The following EPS8L2 variants were observed in gnomAD, a reference collection of about 807,000 sequenced individuals.
The protein encoded by EPS8L2 is EPS8 signaling adaptor L2.
Under a neutral mutation model 99.4 loss-of-function variants are expected in EPS8L2, and 81 were observed. The observed-to-expected ratio is 0.82, with a 90% CI of 0.68 to 0.98. The LOEUF (loss-of-function observed/expected upper bound fraction) is 0.98, where lower values mean the gene tolerates loss of function less well. EPS8L2 is among the 50% of genes least tolerant of loss of function. EPS8L2 has a pLI of 0.00. For missense variants in EPS8L2, 1,155 were observed against 968.8 expected (o/e 1.19, Z -2.55); for synonymous variants, 509 against 407.3 (o/e 1.25, Z -3.01).
chr11:719,865 G>T (rs1862110225), intron 4 of EPS8L2, among the ~76,000 whole-genome samples, 197 bp from the exon 5 acceptor site: 1 of 152,132 alleles, frequency 6.6e-6, no homozygotes, highest in African/African-American at 2.4e-5. Context: ...ATAGTTTCAG[G>T]ACACAAGCAT....
In EPS8L2 at chr11:720,231, C is replaced by G. The variant is rs1344975115; in HGVS notation, c.327+8C>G. On this transcript the variant is annotated splice_region_variant and intron_variant, in intron 5 of 20. Coordinates refer to ENST00000318562, the MANE Select transcript of EPS8L2 (RefSeq NM_022772.4). ...CTGGACATCGAGTCACAGGTGGGGC[C>G]CAGCGCCACGGGGGACAGGGAGCAC... 3 of 1,612,442 alleles carry G rather than the reference C, an allele frequency of 1.9e-6. No homozygotes were observed. Among genetic ancestry groups the G allele is most frequent in the African/African-American group, 2.7e-5 (2 of 74,896 alleles).
chr11:720,014 C>A, intron 4 of EPS8L2, 48 bp from the exon 5 acceptor site: 1 of 1,555,212 alleles, frequency 6.4e-7, no homozygotes, highest in Non-Finnish European at 8.7e-7. Flanking sequence ...GCTGGGCTTT[C>A]GACACAAGGA....
rs141569066 is a variant in EPS8L2 at position 713,541 on chromosome 11, C to T, written c.165+3055C>T. Among the ~76,000 whole-genome samples the T allele has an allele frequency of 6.4e-3, 970 of 152,242 alleles. 8 individuals carry two copies. The highest frequency in any genetic ancestry group is 0.022 in the African/African-American group (898 of 41,532). On this transcript the variant is annotated intron_variant, in intron 4 of 20. Transcript: ENST00000318562. ...GGACTACAGGCGCCCGCCACCACGCCTGGCTAAATTTTTTTTTCTCTGAGA... is the reference window on the plus strand; with the variant it reads ...GGACTACAGGCGCCCGCCACCACGCTTGGCTAAATTTTTTTTTCTCTGAGA...
intron 4 of EPS8L2, among the ~76,000 whole-genome samples, chr11:710,731 T>C (rs1188945994): frequency 6.9e-6 from 1 of 145,094 alleles, no homozygotes; most frequent in Admixed American, 6.7e-5. Flanking sequence ...AGCTAGACCC[T>C]GTCTCAAAAC....
chr11:718,132 AGACCATT>A (rs1862068845), intron 4 of EPS8L2, among the ~76,000 whole-genome samples: 1 of 152,230 alleles, frequency 6.6e-6, no homozygotes, highest in African/African-American at 2.4e-5. Flanking sequence ...CAGTAGTTTG[AGACCATT>A]CTGGCCAACA....
In EPS8L2 at chr11:708,729, G is replaced by GC. The variant is rs1371248655; in HGVS notation, c.-78-599dup. 4 of 152,584 alleles carry GC rather than the reference G, an allele frequency of 2.6e-5. No homozygotes were observed. The East Asian group carries it at 7.7e-4, about 29-fold the overall frequency. The allele number at this position is 152,584 out of a possible 1,614,324, so 9.5% of individuals were successfully genotyped here. A position where few individuals can be genotyped will look rare whatever the true frequency, so the allele number is the denominator to read the frequency against. ...CCAGGTCTCCCAGGCCCAGGAAAGAGCCAAGGGCCAGCCTCTTTGCTGGGG... is the reference window on the plus strand; with the variant it reads ...CCAGGTCTCCCAGGCCCAGGAAAGAGCCCAAGGGCCAGCCTCTTTGCTGGGG... On this transcript the variant is annotated intron_variant, in intron 1 of 20. Transcript: ENST00000318562.
rs1280571942 is a variant in EPS8L2 at position 726,704 on chromosome 11, G to C, written c.2020G>C (p.Gly674Arg). 1 of 1,590,510 alleles carries C rather than the reference G, an allele frequency of 6.3e-7. No individual in the cohort carries two copies. Among genetic ancestry groups the C allele is most frequent in the Non-Finnish European group, 8.5e-7 (1 of 1,170,254 alleles). The change falls in exon 20 of 21, where the codon GGC becomes CGC. Residue 674 changes from glycine to arginine, a missense_variant. Physicochemically the swap from Gly to Arg is moderately radical, Grantham distance 125. Coordinates refer to ENST00000318562, the MANE Select transcript of EPS8L2 (RefSeq NM_022772.4). ...GCTGAAGAAAGTGTGCGGCGAGGAG[G>C]GCGTCCGCGTGTACAGCCAGCTCAC... Reference protein sequence around the residue: ...EELKKVCGEEGVRVYSQLTMQ... With the variant: ...EELKKVCGEERVRVYSQLTMQ...
rs1332494656 is a variant in EPS8L2 at position 723,300 on chromosome 11, G to A, written c.1401G>A (p.Glu467=). The part of the protein sequence containing the change: ...RNSQKHSPTS[E]PTPPGDALPP... ...CCCAGAAGCACAGCCCCACTTCAGA[G>A]CCCACCCCCCCGGGGGATGCCCTAC... Residue 467 remains glutamate, a synonymous_variant, in exon 15 of 21, where the codon GAG becomes GAA. Coordinates refer to ENST00000318562, the MANE Select transcript of EPS8L2 (RefSeq NM_022772.4). The A allele has an allele frequency of 1.9e-6, 3 of 1,602,544 alleles. No homozygotes were observed. The highest frequency in any genetic ancestry group is 1.4e-5 in the African/African-American group (1 of 74,002).
At position 720,667 on chromosome 11, in the gene EPS8L2, C is replaced by G. The variant is rs771226190; in HGVS notation, c.398C>G (p.Pro133Arg). 4 of 1,597,162 alleles carry G rather than the reference C, an allele frequency of 2.5e-6. No individual in the cohort carries two copies. The highest frequency in any genetic ancestry group is 1.1e-5 in the South Asian group (1 of 88,070). The change falls in exon 6 of 21, where the codon CCG becomes CGG. Residue 133 changes from proline to arginine, a missense_variant. Transcript: ENST00000318562. ...ACGGTCCTCAACCAGCTGCGCTACCCGTCTGTGCTGCTGCTCGTGTGCCAG... is the reference window on the plus strand; with the variant it reads ...ACGGTCCTCAACCAGCTGCGCTACCGGTCTGTGCTGCTGCTCGTGTGCCAG... ...SQTVLNQLRY[P>R]SVLLLVCQDS...
chr11:725,847 G>A lies in EPS8L2; in HGVS notation c.1680G>A (p.Gln560=). The change falls in exon 17 of 21, where the codon CAG becomes CAA. Residue 560 remains glutamine (Q), a splice_region_variant and synonymous_variant. Transcript: ENST00000318562. ...RPEDAGAPFE[Q]AGQKYWGPAS... ...AGGACGCCGGCGCCCCGTTCGAGCA[G>A]GTGAGCCCGCGGGGGTCCCTGGGGT... 1 of 1,387,632 alleles carries A rather than the reference G, an allele frequency of 7.2e-7. No individual in the cohort carries two copies. The highest frequency in any genetic ancestry group is 9.3e-7 in the Non-Finnish European group (1 of 1,077,640). The allele number at this position is 1,387,632 out of a possible 1,614,324, so 86.0% of individuals were successfully genotyped here.
At chr11:713,605 C>T (rs1270248267) in intron 4 of EPS8L2, among the ~76,000 whole-genome samples, 3 of 152,210 alleles carry the variant, frequency 2.0e-5, no homozygotes, top group African/African-American at 4.8e-5. Context: ...AGTGCGGTGG[C>T]GTGATCTTGG....
chr11:710,762 G>A (rs1861868408), intron 4 of EPS8L2, among the ~76,000 whole-genome samples: 1 of 152,150 alleles, frequency 6.6e-6, no homozygotes, highest in Non-Finnish European at 1.5e-5. Context: ...AAGAGAGAAA[G>A]AGAGAAAGGG....
At chr11:719,523 G>A (rs552477531) in intron 4 of EPS8L2, among the ~76,000 whole-genome samples, 17 of 152,356 alleles carry the variant, frequency 1.1e-4, no homozygotes, top group African/African-American at 4.1e-4. Context: ...CACACTTGTC[G>A]AGGGTCCTCT....
At chr11:726,846 G>A (rs146868039) in intron 20 of EPS8L2, 55 bp from the exon 21 acceptor site, 33,774 of 1,591,712 alleles carry the variant, frequency 0.021, 429 homozygotes, top group Non-Finnish European at 0.025. Context: ...GGGGGAGGCC[G>A]GCACCCAGAC....
At position 710,511 on chromosome 11, in the gene EPS8L2, T is replaced by C. The variant is rs762744153; in HGVS notation, c.165+25T>C. On this transcript the variant is annotated intron_variant, in intron 4 of 20. Transcript: ENST00000318562. The stretch of plus-strand genomic sequence containing the variant: ...GGTAAGGCCCCGCCCCCAGGTAGGC[T>C]CCGCCCCCAGGGAGCACCCTCAGGA... 17 of 1,608,118 alleles carry C rather than the reference T, an allele frequency of 1.1e-5. No individual in the cohort carries two copies. In the East Asian group the frequency reaches 1.1e-4, roughly 11 times the overall value.
chr11:714,833 T>A (rs1267440370), intron 4 of EPS8L2, among the ~76,000 whole-genome samples: 1 of 152,060 alleles, frequency 6.6e-6, no homozygotes, highest in Non-Finnish European at 1.5e-5. Flanking sequence ...TGTGTTGATG[T>A]CCATTAGAGG....
At position 709,381 on chromosome 11, in the gene EPS8L2, C is replaced by G. The variant is rs902783319; in HGVS notation, c.-27C>G. 1.4e-5 allele frequency: 22 copies of G among 1,564,212 alleles called. No individual in the cohort carries two copies. Among genetic ancestry groups the G allele is most frequent in the Non-Finnish European group, 1.9e-5 (22 of 1,155,930 alleles). ...CGGGGCCACACTGAGGTCTGCCCTT[C>G]TCCCGCTGGCCGCCACCCAAGACAC... On this transcript the variant is annotated 5_prime_UTR_variant, in exon 2 of 21. Transcript: ENST00000318562.
At position 726,343 on chromosome 11, in the gene EPS8L2, T is replaced by C. The variant is rs753108796; in HGVS notation, c.1793T>C (p.Ile598Thr). 6.2e-7 allele frequency: 1 copy of C among 1,610,696 alleles called. No homozygotes were observed. The highest frequency in any genetic ancestry group is 8.5e-7 in the Non-Finnish European group (1 of 1,179,192). The change falls in exon 19 of 21, where the codon ATC becomes ACC. Residue 598 changes from isoleucine to threonine, a missense_variant. Coordinates refer to ENST00000318562, the MANE Select transcript of EPS8L2 (RefSeq NM_022772.4). ...ATGGACGAGGTCAACGACGAGCTCA[T>C]CCGGAAAATCAGCAACATCAGGGCG... ...QHMDEVNDEL[I>T]RKISNIRAQP...
At chr11:713,530 C>T (rs777031024) in intron 4 of EPS8L2, among the ~76,000 whole-genome samples, 75 of 152,184 alleles carry the variant, frequency 4.9e-4, no homozygotes, top group African/African-American at 6.7e-4. Context: ...TACAGGCGCC[C>T]GCCACCACGC....
Sources: gnomAD v4.1 joint callset for allele counts (sites outside exome capture counted in the v4.1 genomes callset) on GRCh38, gnomAD v4.1.1 for gene constraint, MANE v1.5 for transcripts, NCBI Gene and HGNC (gene_info 2026-07-23, HGNC 2026-07-21) for gene names.